CATSPERT: variants seen among roughly 807,000 people sequenced by gnomAD.
CATSPERT encodes cation channel sperm-associated targeting subunit tau.
At chr2:201,555,963 C>G in the CATSPERT span, 1 of 152,158 alleles carries the variant, frequency 6.6e-6, no homozygotes, top group Non-Finnish European at 1.5e-5. Flanking sequence ...TTAGCCATCA[C>G]TCACATTAGA....
the CATSPERT span, chr2:201,618,889 C>T: frequency 1.2e-6 from 2 of 1,612,962 alleles, no homozygotes; most frequent in Non-Finnish European, 1.7e-6. Context: ...GCCAGGCCCC[C>T]GCTCACTCAC....
chr2:201,495,513 C>T, the CATSPERT span, among the ~76,000 whole-genome samples: 4 of 151,958 alleles, frequency 2.6e-5, no homozygotes, highest in African/African-American at 7.2e-5. Context: ...ACTCTTTTTT[C>T]GTACTTCTGT....
the CATSPERT span, among the ~76,000 whole-genome samples, chr2:201,542,394 A>T: frequency 7.2e-5 from 11 of 152,208 alleles, no homozygotes; most frequent in African/African-American, 2.4e-4. Context: ...CCAGAAGTGA[A>T]ATGGCAGGAT....
the CATSPERT span, chr2:201,571,879 G>T: frequency 1.4e-6 from 2 of 1,467,576 alleles, no homozygotes; most frequent in East Asian, 2.3e-5. Context: ...TCCACCAAAT[G>T]GATTAAAATT....
the CATSPERT span, among the ~76,000 whole-genome samples, chr2:201,490,385 A>G: frequency 1.3e-5 from 2 of 152,172 alleles, no homozygotes; most frequent in Non-Finnish European, 2.9e-5. Flanking sequence ...GTGAAAAAAA[A>G]CCTCTAATAG....
At chr2:201,571,389 G>A in the CATSPERT span, among the ~76,000 whole-genome samples, 1 of 151,998 alleles carries the variant, frequency 6.6e-6, no homozygotes, top group Non-Finnish European at 1.5e-5. Flanking sequence ...TTTCTCAGGT[G>A]CTCATTTTTC....
At chr2:201,614,855 A>G in the CATSPERT span, among the ~76,000 whole-genome samples, 1 of 152,194 alleles carries the variant, frequency 6.6e-6, no homozygotes, top group Non-Finnish European at 1.5e-5. Flanking sequence ...AAATAAAGGG[A>G]TAGAGGAGGA....
the CATSPERT span, among the ~76,000 whole-genome samples, chr2:201,581,396 T>A: frequency 7.1e-6 from 1 of 140,790 alleles, no homozygotes; most frequent in East Asian, 2.1e-4. Context: ...TGATACAACC[T>A]AAAAGTGTAA....
chr2:201,555,447 A>G, the CATSPERT span: 4 of 152,204 alleles, frequency 2.6e-5, no homozygotes, highest in African/African-American at 9.6e-5. Flanking sequence ...GCCAGGAGGC[A>G]GAGGTTGCAG....
the CATSPERT span, among the ~76,000 whole-genome samples, chr2:201,517,958 A>T: frequency 3.3e-4 from 50 of 152,340 alleles, no homozygotes; most frequent in African/African-American, 1.1e-3. Flanking sequence ...TCAGAGGGAA[A>T]CAAGTCCAAA....
the CATSPERT span, among the ~76,000 whole-genome samples, chr2:201,580,550 T>C: frequency 5.9e-5 from 9 of 152,216 alleles, no homozygotes; most frequent in Non-Finnish European, 8.8e-5. Context: ...TTTTTGAAGA[T>C]CACCAAGGAG....
At chr2:201,595,431 G>A in the CATSPERT span, among the ~76,000 whole-genome samples, 158 of 151,674 alleles carry the variant, frequency 1.0e-3, 2 homozygotes, top group South Asian at 0.011. Context: ...CTCGTGATCC[G>A]CCCGCCTCGG....
At chr2:201,534,914 TA>T in the CATSPERT span, 1 of 466,632 alleles carries the variant, frequency 2.1e-6, no homozygotes, top group Non-Finnish European at 2.8e-6. Context: ...AGTCAAAAAA[TA>T]AAAATTATAT....
chr2:201,606,936 TATATTTAACTGC>T, the CATSPERT span, among the ~76,000 whole-genome samples: 1 of 148,920 alleles, frequency 6.7e-6, no homozygotes, highest in East Asian at 1.9e-4. Context: ...GAGCAGTTAA[TATATTTAACTGC>T]AGAGTTAAGA....
chr2:201,549,256 C>T, the CATSPERT span, among the ~76,000 whole-genome samples: 3 of 152,114 alleles, frequency 2.0e-5, no homozygotes, highest in Non-Finnish European at 2.9e-5. Context: ...CACTTCTGGT[C>T]CACTACAGGT....
chr2:201,506,125 G>C, the CATSPERT span, among the ~76,000 whole-genome samples: 18 of 152,104 alleles, frequency 1.2e-4, no homozygotes, highest in African/African-American at 4.1e-4. Flanking sequence ...AAATTAGCTG[G>C]GGGCGGTGGC....
At chr2:201,617,812 G>T in the CATSPERT span, among the ~76,000 whole-genome samples, 1 of 152,098 alleles carries the variant, frequency 6.6e-6, no homozygotes, top group Non-Finnish European at 1.5e-5. Context: ...CTATCCATCT[G>T]ACAAAGGGCT....
the CATSPERT span, chr2:201,601,681 T>C: frequency 2.7e-6 from 4 of 1,472,240 alleles, no homozygotes; most frequent in East Asian, 2.4e-5. Context: ...AGAATTAGGG[T>C]AGAATATTTG....
the CATSPERT span, among the ~76,000 whole-genome samples, chr2:201,565,421 C>A: frequency 6.6e-6 from 1 of 152,086 alleles, no homozygotes; most frequent in Non-Finnish European, 1.5e-5. Context: ...CTGCAGTGAG[C>A]ATAATCGTGC....
Sources: gnomAD v4.1 joint callset for allele counts (sites outside exome capture counted in the v4.1 genomes callset) on GRCh38, gnomAD v4.1.1 for gene constraint, MANE v1.5 for transcripts, NCBI Gene and HGNC (gene_info 2026-07-23, HGNC 2026-07-21) for gene names.